Variants in KIF7 observed in about 807,000 individuals in gnomAD.
KIF7 encodes the protein kinesin family member 7.
KIF7 carries 104 observed loss-of-function variants against 135.7 expected under a neutral mutation model. That is an observed-to-expected ratio of 0.77 (90% CI 0.65 to 0.90). The LOEUF is 0.90. Ranked by LOEUF, KIF7 falls within the 40% of genes least tolerant of loss-of-function variation. The pLI, the probability that KIF7 is intolerant of heterozygous loss-of-function variation, is 0.00. For missense variants in KIF7, 2,005 were observed against 1,839.1 expected, an observed-to-expected ratio of 1.09 and a Z score of -1.65; for synonymous variants, 883 against 809.4, an observed-to-expected ratio of 1.09 and a Z score of -1.54.
chr15:89,628,466 GCAGTTCCCGCCGGGGCTTGGACAAAGGCC>G lies in KIF7; in HGVS notation c.3956_3984del (p.Gly1319AlafsTer9). On this transcript the variant is annotated frameshift_variant, in exon 19 of 19. Transcript: ENST00000394412. LOFTEE classifies it high-confidence loss of function. Reference sequence around the variant, plus strand: ...TCAATCATCCCCGGGCTGGCTCGTCGCAGTTCCCGCCGGGGCTTGGACAAAGGCCCAAAGTTCCAGGGCAGGCCTGCCTC... The same window carrying G: ...TCAATCATCCCCGGGCTGGCTCGTCGCAAAGTTCCAGGGCAGGCCTGCCTC... 6.2e-7 allele frequency: 1 copy of G among 1,610,048 alleles called. No individual in the cohort carries two copies. Among genetic ancestry groups the G allele is most frequent in the Admixed American group, 1.7e-5 (1 of 59,794 alleles).
intron 6 of KIF7, among the ~76,000 whole-genome samples, chr15:89,647,273 C>A (rs753282690): frequency 2.0e-5 from 3 of 152,142 alleles, no homozygotes; most frequent in Non-Finnish European, 4.4e-5. Flanking sequence ...CCGCCACCTC[C>A]AACCGCCGCC....
intron 11 of KIF7, among the ~76,000 whole-genome samples, chr15:89,637,557 C>G (rs1287640647): frequency 6.6e-6 from 1 of 151,626 alleles, no homozygotes; most frequent in Non-Finnish European, 1.5e-5. Flanking sequence ...CACAAATAAA[C>G]TAGAAAATCT....
At chr15:89,662,034 T>G in the KIF7 span, among the ~76,000 whole-genome samples, 2 of 152,106 alleles carry the variant, frequency 1.3e-5, no homozygotes, top group African/African-American at 4.8e-5. Context: ...TAATCAACAT[T>G]TAAATATTTA....
chr15:89,624,621 A>G (rs1807000266), downstream of KIF7: 12 of 1,613,850 alleles, frequency 7.4e-6, no homozygotes, highest in Non-Finnish European at 1.0e-5. Context: ...CTCCTGAAAG[A>G]CGGGGCTACC....
chr15:89,641,043 G>A (rs1357601884), intron 11 of KIF7, among the ~76,000 whole-genome samples: 1 of 152,002 alleles, frequency 6.6e-6, no homozygotes. Flanking sequence ...AGACCGTGAT[G>A]GGCTGAATTG....
In KIF7 at chr15:89,629,193, G is replaced by GCC. The variant is rs368167611; in HGVS notation, c.3518-72_3518-71insGG. On this transcript the variant is annotated intron_variant, in intron 17 of 18. Transcript: ENST00000394412. ...GGCAGGCGGCCAGGGCTGTGGGGGT[G>GCC]GGGGCTGTGGGCTGGGTGGGGGCCG... 6.4e-5 allele frequency: 17 copies of GCC among 266,890 alleles called. No individual in the cohort carries two copies. In the South Asian group the frequency reaches 8.0e-4, roughly 12 times the overall value. 16.5% of individuals were successfully genotyped at this position (266,890 alleles called of 1,614,324 possible).
intron 10 of KIF7, among the ~76,000 whole-genome samples, 163 bp from the exon 11 acceptor site, chr15:89,642,568 A>T (rs1052027503): frequency 1.1e-4 from 16 of 151,918 alleles, no homozygotes; most frequent in African/African-American, 3.4e-4. Context: ...CTTCAAATCA[A>T]CTCTATTTAT....
At chr15:89,624,025 G>C (rs760864308), downstream of KIF7, 51 of 1,613,800 alleles carry the variant, frequency 3.2e-5, 1 homozygote, top group Admixed American at 1.3e-4. Context: ...GCCCAGGAGA[G>C]AGTGTCTCAC....
the KIF7 span, among the ~76,000 whole-genome samples, chr15:89,661,423 A>C: frequency 0.57 from 85,842 of 151,932 alleles, 25,137 homozygotes; most frequent in Non-Finnish European, 0.65. Context: ...TGAGAAACAA[A>C]AAAATTCAGG....
In KIF7 at chr15:89,642,349, G is replaced by T; in HGVS notation, c.2248C>A (p.Gln750Lys). ...TCGGCCCGCACCTGCTCTGCCTCCT[G>T]CTCCAGCTCCCGGATACGCTGGCTG... Reference protein sequence around the residue: ...QHSQRIRELEQEAEQVRAELS... With the variant: ...QHSQRIRELEKEAEQVRAELS... The change falls in exon 11 of 19, where the codon CAG becomes AAG. Residue 750 changes from glutamine (Q) to lysine (K), a missense_variant. Physicochemically the swap from Gln to Lys is moderately conservative, Grantham distance 53. Transcript: ENST00000394412. 1 of 1,610,154 alleles carries T rather than the reference G, an allele frequency of 6.2e-7. No individual in the cohort carries two copies.
Position 89,630,479 on chromosome 15 carries a change from C to T in KIF7, c.3126G>A (p.Leu1042=). Residue 1042 remains leucine, a synonymous_variant, in exon 16 of 19, where the codon CTG becomes CTA. Transcript: ENST00000394412. ...CCTCGATGGCCTCATCCAACTGGAA[C>T]AGCGTCCGCTCCTCCTGCAGAGACG... ...SLLSPEEERT[L]FQLDEAIEAL... 5.2e-6 allele frequency: 8 copies of T among 1,548,080 alleles called. No individual in the cohort carries two copies. Among genetic ancestry groups the T allele is most frequent in the Non-Finnish European group, 7.0e-6 (8 of 1,147,410 alleles).
chr15:89,633,159 G>T lies in KIF7; in HGVS notation c.2700C>A (p.Val900=). ...KRRSGSNGSV[V]SLEQQQKIEE... is the part of the protein sequence containing the mutation. ...GCCCCACCTGCTGCTGTTCCAGGCT[G>T]ACCACAGAGCCGTTGCTGCCACTGC... Residue 900 remains valine (V), a synonymous_variant, in exon 13 of 19, where the codon GTC becomes GTA. Coordinates refer to ENST00000394412, the MANE Select transcript of KIF7 (RefSeq NM_198525.3). The T allele has an allele frequency of 1.2e-6, 2 of 1,603,770 alleles. No homozygotes were observed. Among genetic ancestry groups the T allele is most frequent in the Admixed American group, 1.7e-5 (1 of 59,962 alleles).
downstream of KIF7, among the ~76,000 whole-genome samples, chr15:89,623,166 C>T (rs1426598199): frequency 6.6e-6 from 1 of 152,164 alleles, no homozygotes; most frequent in Non-Finnish European, 1.5e-5. Context: ...TCTGTGTATT[C>T]CATGCCCCCA....
intron 7 of KIF7, 102 bp from the exon 8 acceptor site, chr15:89,646,128 C>T (rs1289076367): frequency 2.1e-6 from 3 of 1,449,490 alleles, no homozygotes; most frequent in Non-Finnish European, 1.9e-6. Context: ...CCTGCCTTAC[C>T]TTCGTGATCC....
chr15:89,625,900 T>TG, downstream of KIF7: 1 of 1,545,056 alleles, frequency 6.5e-7, no homozygotes. Flanking sequence ...GTTGGGGGTC[T>TG]GGGGACGCTG....
chr15:89,649,161 A>C lies in KIF7; in HGVS notation c.736T>G (p.Ser246Ala). The C allele has an allele frequency of 6.5e-7, 1 of 1,548,132 alleles. No homozygotes were observed. Among genetic ancestry groups the C allele is most frequent in the Non-Finnish European group, 8.7e-7 (1 of 1,146,690 alleles). Reference protein sequence around the residue: ...PRPAPGQLLVSKFHFVDLAGS... With the variant: ...PRPAPGQLLVAKFHFVDLAGS... ...GCCAGGTCCACGAAGTGGAACTTGG[A>C]GACGAGCAGCTGGCCCGGGGCGGGG... Residue 246 changes from serine to alanine, a missense_variant, in exon 4 of 19, where the codon TCC becomes GCC. Physicochemically the swap from Ser to Ala is moderately conservative, Grantham distance 99. Transcript: ENST00000394412.
In KIF7 at chr15:89,628,803, C is replaced by T. The variant is rs775084299; in HGVS notation, c.3665-17G>A. On this transcript the variant is annotated splice_polypyrimidine_tract_variant and intron_variant, in intron 18 of 18. Transcript: ENST00000394412. ...TCTCCCCACCTGTCATGGAGAGTAA[C>T]GTGTCCTCATCAGAAACAGGTGGCA... 3.7e-6 allele frequency: 6 copies of T among 1,611,622 alleles called. No homozygotes were observed. Among genetic ancestry groups the T allele is most frequent in the Non-Finnish European group, 5.1e-6 (6 of 1,179,978 alleles).
chr15:89,655,151 C>T (rs908258314), intron 1 of KIF7, among the ~76,000 whole-genome samples: 3 of 152,228 alleles, frequency 2.0e-5, no homozygotes, highest in African/African-American at 7.2e-5. Context: ...CCTTGGCGCT[C>T]GCCCCTCCAC....
intron 11 of KIF7, among the ~76,000 whole-genome samples, chr15:89,641,972 C>G (rs1963929112): frequency 6.6e-6 from 1 of 152,152 alleles, no homozygotes; most frequent in South Asian, 2.1e-4. Context: ...CCTTCACCCT[C>G]TCGTTGCTCT....
Sources: gnomAD v4.1 joint callset for allele counts (sites outside exome capture counted in the v4.1 genomes callset) on GRCh38, gnomAD v4.1.1 for gene constraint, MANE v1.5 for transcripts, NCBI Gene and HGNC (gene_info 2026-07-23, HGNC 2026-07-21) for gene names.